Variants in TNFSF4 observed in about 807,000 individuals in gnomAD.
TNFSF4 encodes TNF superfamily member 4.
TNFSF4 carries 4 observed loss-of-function variants against 7.3 expected under a neutral mutation model. The observed-to-expected ratio is 0.55, with a 90% CI of 0.27 to 1.25. TNFSF4 has a LOEUF of 1.25. Ranked by LOEUF, TNFSF4 falls within the 50% of genes most tolerant of loss-of-function variation. The pLI is 0.12. For missense variants in TNFSF4, 181 were observed against 208.8 expected, an observed-to-expected ratio of 0.87 and a Z score of 0.82; for synonymous variants, 76 against 83.7, an observed-to-expected ratio of 0.91 and a Z score of 0.50.
At chr1:173,229,196 C>T in the TNFSF4 span, among the ~76,000 whole-genome samples, 1 of 152,168 alleles carries the variant, frequency 6.6e-6, no homozygotes, top group Non-Finnish European at 1.5e-5. Context: ...GGTCAAGTTA[C>T]CCACAAAGGG....
the TNFSF4 span, among the ~76,000 whole-genome samples, chr1:173,334,947 A>G: frequency 6.6e-6 from 1 of 152,054 alleles, no homozygotes; most frequent in African/African-American, 2.4e-5. Context: ...CAAAAGAACT[A>G]CTCAAGTTTT....
the TNFSF4 span, among the ~76,000 whole-genome samples, chr1:173,224,851 A>T: frequency 1.3e-5 from 2 of 152,174 alleles, no homozygotes; most frequent in Admixed American, 6.5e-5. Flanking sequence ...CCCAAACCTT[A>T]GCTCCAGTCA....
chr1:173,225,209 C>G, the TNFSF4 span, among the ~76,000 whole-genome samples: 1 of 152,180 alleles, frequency 6.6e-6, no homozygotes, highest in African/African-American at 2.4e-5. Flanking sequence ...CTTCTCCAGG[C>G]ACCCTAACAC....
intron 1 of TNFSF4, among the ~76,000 whole-genome samples, chr1:173,201,043 A>G (rs934544329): frequency 6.6e-6 from 1 of 152,244 alleles, no homozygotes; most frequent in Admixed American, 6.5e-5. Context: ...AGATTAGTGA[A>G]CCAGATGATA....
the TNFSF4 span, among the ~76,000 whole-genome samples, chr1:173,177,699 C>A: frequency 6.6e-6 from 1 of 152,078 alleles, no homozygotes; most frequent in Admixed American, 6.5e-5. Flanking sequence ...TTTAGTCATT[C>A]ACAAACAAAT....
chr1:173,210,142 T>A (rs2102006516), upstream of TNFSF4, among the ~76,000 whole-genome samples: 1 of 152,328 alleles, frequency 6.6e-6, no homozygotes, highest in African/African-American at 2.4e-5. Context: ...ATTTTTCATT[T>A]ATCTCTAAGT....
At chr1:173,233,560 A>C in the TNFSF4 span, among the ~76,000 whole-genome samples, 1 of 152,348 alleles carries the variant, frequency 6.6e-6, no homozygotes, top group Middle Eastern at 3.4e-3. Context: ...TATACCTTGC[A>C]GGAATAAAGG....
the TNFSF4 span, among the ~76,000 whole-genome samples, chr1:173,397,877 A>T: frequency 6.6e-6 from 1 of 152,224 alleles, no homozygotes; most frequent in African/African-American, 2.4e-5. Context: ...ATCCCCATTC[A>T]ACTCACCTAT....
At chr1:173,399,475 T>C in the TNFSF4 span, among the ~76,000 whole-genome samples, 1 of 152,008 alleles carries the variant, frequency 6.6e-6, no homozygotes, top group East Asian at 1.9e-4. Flanking sequence ...TGGCCAGACA[T>C]AGAAGTATAC....
the TNFSF4 span, among the ~76,000 whole-genome samples, chr1:173,387,482 A>G: frequency 1.3e-5 from 2 of 152,160 alleles, no homozygotes; most frequent in African/African-American, 2.4e-5. Context: ...TAAGAAATAA[A>G]TTTCTATTAT....
At chr1:173,249,611 G>A in the TNFSF4 span, among the ~76,000 whole-genome samples, 2 of 152,126 alleles carry the variant, frequency 1.3e-5, no homozygotes, top group Non-Finnish European at 2.9e-5. Context: ...GGGTGGACCT[G>A]GGCAGGGCAC....
chr1:173,315,352 G>A, the TNFSF4 span, among the ~76,000 whole-genome samples: 8 of 152,030 alleles, frequency 5.3e-5, no homozygotes, highest in Admixed American at 1.3e-4. Flanking sequence ...TAAATCAGAC[G>A]TTCCATTTAT....
At chr1:173,391,284 C>A in the TNFSF4 span, among the ~76,000 whole-genome samples, 13 of 141,306 alleles carry the variant, frequency 9.2e-5, no homozygotes, top group African/African-American at 3.2e-4. Flanking sequence ...ATCCCCATCT[C>A]CAGCTTCAAA....
At chr1:173,348,668 G>C in the TNFSF4 span, among the ~76,000 whole-genome samples, 1 of 152,110 alleles carries the variant, frequency 6.6e-6, no homozygotes, top group Non-Finnish European at 1.5e-5. Context: ...TAGCAAGAAT[G>C]ATCAAGAAAA....
chr1:173,276,946 C>G, the TNFSF4 span, among the ~76,000 whole-genome samples: 19 of 152,118 alleles, frequency 1.2e-4, no homozygotes, highest in Non-Finnish European at 8.8e-5. Context: ...GGCAGTATTT[C>G]TCTTCCCTTC....
the TNFSF4 span, among the ~76,000 whole-genome samples, chr1:173,399,337 A>G: frequency 6.6e-6 from 1 of 152,208 alleles, no homozygotes; most frequent in South Asian, 2.1e-4. Flanking sequence ...ACAGGCACCA[A>G]CCAAAAGTGA....
intron 1 of TNFSF4, among the ~76,000 whole-genome samples, chr1:173,194,218 G>C (rs10798264): frequency 5.9e-5 from 9 of 152,236 alleles, no homozygotes; most frequent in African/African-American, 2.2e-4. Context: ...TGAATGAATA[G>C]TATGGTTGTC....
chr1:173,278,271 G>C, the TNFSF4 span, among the ~76,000 whole-genome samples: 3 of 152,090 alleles, frequency 2.0e-5, no homozygotes, highest in South Asian at 2.1e-4. Context: ...GCTTGGTATA[G>C]AGTAGGTGTT....
chr1:173,196,361 TA>T (rs1159121568), intron 1 of TNFSF4, among the ~76,000 whole-genome samples: 2 of 152,200 alleles, frequency 1.3e-5, no homozygotes, highest in Non-Finnish European at 1.5e-5. Flanking sequence ...AAAGCCATTT[TA>T]ACTGCCATCC....
Sources: allele counts gnomAD v4.1 joint callset (sites outside exome capture counted in the v4.1 genomes callset), GRCh38; gene constraint gnomAD v4.1.1; transcripts MANE v1.5; gene names NCBI Gene and HGNC (gene_info 2026-07-23, HGNC 2026-07-21).